CCDC148: variants seen among roughly 807,000 people sequenced by gnomAD.
CCDC148 encodes the protein coiled-coil domain-containing protein 148.
CCDC148 carries 89 observed loss-of-function variants against 85.7 expected under a neutral mutation model. The observed-to-expected ratio is 1.04, with a 90% CI of 0.87 to 1.24. CCDC148 has a LOEUF of 1.24. Among genes scored for constraint, CCDC148 ranks in the 50% most tolerant of loss-of-function variants. CCDC148 has a pLI of 0.00. For missense variants in CCDC148, 692 were observed against 671.7 expected (o/e 1.03, Z -0.33); for synonymous variants, 230 against 213.9 (o/e 1.08, Z -0.66).
intron 2 of CCDC148, among the ~76,000 whole-genome samples, chr2:158,347,053 T>C (rs1295290485): frequency 6.6e-6 from 1 of 152,198 alleles, no homozygotes. Context: ...GTCTCTACTT[T>C]ACCTACCAAA....
intron 1 of CCDC148, among the ~76,000 whole-genome samples, chr2:158,408,109 T>C (rs1363752026): frequency 6.6e-6 from 1 of 152,184 alleles, no homozygotes; most frequent in African/African-American, 2.4e-5. Flanking sequence ...TGGAGTATAG[T>C]TGACAAATGA....
chr2:158,447,977 A>G (rs1041730230), intron 1 of CCDC148, among the ~76,000 whole-genome samples: 1 of 152,164 alleles, frequency 6.6e-6, no homozygotes, highest in African/African-American at 2.4e-5. Context: ...GCAAGGTTGC[A>G]GAGATTTTCT....
chr2:158,174,104 C>T (rs573637748), intron 13 of CCDC148, among the ~76,000 whole-genome samples: 4 of 152,068 alleles, frequency 2.6e-5, no homozygotes, highest in African/African-American at 9.6e-5. Context: ...ATGGCAGCAC[C>T]ACCAGATGAT....
intron 7 of CCDC148, among the ~76,000 whole-genome samples, chr2:158,332,793 C>T (rs1213985360): frequency 2.0e-5 from 3 of 151,990 alleles, no homozygotes; most frequent in African/African-American, 7.2e-5. Context: ...TTATCCATTT[C>T]TTTTAGATTT....
At chr2:158,277,401 G>A (rs1213821185) in intron 9 of CCDC148, among the ~76,000 whole-genome samples, 1 of 152,056 alleles carries the variant, frequency 6.6e-6, no homozygotes, top group Non-Finnish European at 1.5e-5. Flanking sequence ...TTAAGCTAAT[G>A]TTTTGTCATA....
chr2:158,227,443 T>C (rs1050921360), intron 10 of CCDC148, among the ~76,000 whole-genome samples: 5 of 152,028 alleles, frequency 3.3e-5, no homozygotes, highest in African/African-American at 1.2e-4. Context: ...CTTCACAGAA[T>C]TGGAAAAAAC....
At chr2:158,201,970 A>G (rs191264964) in intron 11 of CCDC148, among the ~76,000 whole-genome samples, 1 of 152,330 alleles carries the variant, frequency 6.6e-6, no homozygotes, top group East Asian at 1.9e-4. Flanking sequence ...ACTCTCTTTC[A>G]AATGGCATGG....
At chr2:158,221,455 T>C (rs1432017577) in intron 10 of CCDC148, among the ~76,000 whole-genome samples, 1 of 152,184 alleles carries the variant, frequency 6.6e-6, no homozygotes, top group Admixed American at 6.5e-5. Context: ...TGAATGTTTA[T>C]TGAACAGAGG....
chr2:158,312,349 C>T lies in CCDC148; in HGVS notation c.903+1407G>A, dbSNP rs537708487. Among the ~76,000 whole-genome samples, 57 of 151,584 alleles carry T rather than the reference C, an allele frequency of 3.8e-4. No individual in the cohort carries two copies. The Middle Eastern group carries it at 0.014, about 36-fold the overall frequency. On this transcript the variant is annotated intron_variant, in intron 8 of 13. Transcript: ENST00000283233. ...GTAAGAAGTAAATGTATTGGGAGGC[C>T]GAGGTGAGCGGATCAGGAGGTCAAG...
At chr2:158,351,460 AAG>A (rs1229635565) in intron 2 of CCDC148, among the ~76,000 whole-genome samples, 1 of 16,836 alleles carries the variant, frequency 5.9e-5, no homozygotes, top group East Asian at 6.4e-3. Flanking sequence ...TTCCGAGTCA[AAG>A]AAAGGGGCAC....
intron 11 of CCDC148, among the ~76,000 whole-genome samples, chr2:158,201,444 C>G (rs1484454589): frequency 6.6e-6 from 1 of 151,772 alleles, no homozygotes; most frequent in African/African-American, 2.4e-5. Context: ...GGGTCTCACT[C>G]TGTCACCCAG....
chr2:158,340,700 A>C lies in CCDC148; in HGVS notation c.252-20T>G. The C allele has an allele frequency of 1.5e-6, 2 of 1,353,308 alleles. No homozygotes were observed. The highest frequency in any genetic ancestry group is 2.1e-6 in the Non-Finnish European group (2 of 969,496). 83.8% of individuals were successfully genotyped at this position (1,353,308 alleles called of 1,614,324 possible). ...TTACATCTGAAATAGATGTGATCTCAATAAATGTTACAATCATAAACATAC... is the reference window on the plus strand; with the variant it reads ...TTACATCTGAAATAGATGTGATCTCCATAAATGTTACAATCATAAACATAC... On this transcript the variant is annotated intron_variant, in intron 3 of 13. Transcript: ENST00000283233.
intron 7 of CCDC148, among the ~76,000 whole-genome samples, chr2:158,325,014 G>A (rs1171488567): frequency 2.8e-4 from 41 of 148,738 alleles, no homozygotes; most frequent in Non-Finnish European, 4.4e-5. Context: ...TTCCCCTCTC[G>A]CCTGCATCTT....
chr2:158,389,665 T>C (rs76170846), intron 1 of CCDC148, among the ~76,000 whole-genome samples: 8,781 of 152,294 alleles, frequency 0.058, 486 homozygotes, highest in African/African-American at 0.15. Context: ...TAAAGATGTC[T>C]TCTTTGACTA....
intron 1 of CCDC148, among the ~76,000 whole-genome samples, chr2:158,362,793 T>C (rs1284019090): frequency 6.6e-6 from 1 of 151,828 alleles, no homozygotes; most frequent in East Asian, 1.9e-4. Flanking sequence ...ATTCAAAAGC[T>C]AGCAGAAGAC....
chr2:158,367,535 C>A (rs1407441656), intron 1 of CCDC148, among the ~76,000 whole-genome samples: 1 of 152,110 alleles, frequency 6.6e-6, no homozygotes, highest in Non-Finnish European at 1.5e-5. Flanking sequence ...CTACCTTGGT[C>A]TAACCCTGTC....
intron 1 of CCDC148, among the ~76,000 whole-genome samples, chr2:158,454,332 G>A (rs1688518924): frequency 6.6e-6 from 1 of 152,188 alleles, no homozygotes; most frequent in South Asian, 2.1e-4. Flanking sequence ...TTGGAGGAGA[G>A]GGTGTAACAC....
chr2:158,366,744 T>C (rs1185526073), intron 1 of CCDC148, among the ~76,000 whole-genome samples: 1 of 152,210 alleles, frequency 6.6e-6, no homozygotes, highest in African/African-American at 2.4e-5. Flanking sequence ...GAAGTTGTTG[T>C]CTTCACCTGC....
At chr2:158,436,569 AGT>A (rs1250083287) in intron 1 of CCDC148, among the ~76,000 whole-genome samples, 4 of 152,214 alleles carry the variant, frequency 2.6e-5, no homozygotes, top group Non-Finnish European at 4.4e-5. Flanking sequence ...TAAAAGAACT[AGT>A]GAAGCAAGAG....
Sources: allele counts gnomAD v4.1 joint callset (sites outside exome capture counted in the v4.1 genomes callset), GRCh38; gene constraint gnomAD v4.1.1; transcripts MANE v1.5; gene names NCBI Gene and HGNC (gene_info 2026-07-23, HGNC 2026-07-21).